Variants in NFRKB observed in about 807,000 individuals in gnomAD.
The protein encoded by NFRKB is nuclear factor related to kappa-B-binding protein.
A neutral mutation model predicts 135.7 loss-of-function variants in NFRKB; 62 were observed. That is an observed-to-expected ratio of 0.46 (90% CI 0.37 to 0.56). The LOEUF is 0.56. Among genes scored for constraint, NFRKB ranks in the 20% least tolerant of loss-of-function variants. NFRKB has a pLI of 0.00. For missense variants in NFRKB, 1,545 were observed against 1,662.0 expected (o/e 0.93, Z 1.22); for synonymous variants, 678 against 635.6 (o/e 1.07, Z -1.00).
chr11:129,867,813 A>G (rs1387191474), intron 24 of NFRKB, among the ~76,000 whole-genome samples: 2 of 152,174 alleles, frequency 1.3e-5, no homozygotes, highest in Non-Finnish European at 2.9e-5. Context: ...CTCCTTACCT[A>G]GAGGCTGAAG....
In NFRKB at chr11:129,884,827, C is replaced by T. The variant is rs1006275391; in HGVS notation, c.660G>A (p.Pro220=). 2.0e-5 allele frequency: 33 copies of T among 1,614,054 alleles called. No homozygotes were observed. Among genetic ancestry groups the T allele is most frequent in the African/African-American group, 2.7e-5 (2 of 74,936 alleles). The change falls in exon 7 of 27, where the codon CCG becomes CCA. Residue 220 remains proline, a synonymous_variant. Transcript: ENST00000682444. ...GACTAGGAGAACGTGCTGGAGAGCT[C>T]GGAAGCCATGAGCTGAGATCTTCAA... is the stretch of plus-strand genomic sequence containing the variant. ...SDEEDLSSWL[P]SSPARSPSPA...
intron 6 of NFRKB, among the ~76,000 whole-genome samples, chr11:129,885,100 A>G (rs1315427043): frequency 6.6e-6 from 1 of 152,172 alleles, no homozygotes; most frequent in African/African-American, 2.4e-5. Context: ...ACTCTCCTGT[A>G]AGGGGAAAAC....
intron 3 of NFRKB, among the ~76,000 whole-genome samples, chr11:129,890,168 C>T (rs1949490783): frequency 6.6e-6 from 1 of 151,892 alleles, no homozygotes; most frequent in Admixed American, 6.6e-5. Context: ...TCCCTAAGGA[C>T]AATGGAGACC....
chr11:129,881,559 C>G, intron 12 of NFRKB, 51 bp from the exon 13 acceptor site: 1 of 1,610,132 alleles, frequency 6.2e-7, no homozygotes. Flanking sequence ...TCCCTGAGCT[C>G]CGAAACAGCT....
chr11:129,864,874 G>C (rs773050670), intron 26 of NFRKB, 24 bp from the exon 27 acceptor site: 2 of 1,614,156 alleles, frequency 1.2e-6, no homozygotes, highest in South Asian at 1.1e-5. Flanking sequence ...CAGAAGGTCA[G>C]GTCAATGGAT....
In NFRKB at chr11:129,888,611, G is replaced by T; in HGVS notation, c.320C>A (p.Ala107Asp). ...CTACAAACCTCGGAAAAGCTTCTGG[G>T]CAATGTGCAGAGGGTTTCCAAAGCG... ...NFRFGNPLHI[A>D]QKLFRDGHFN... The change falls in exon 4 of 27, where the codon GCC becomes GAC. Residue 107 changes from alanine to aspartate, a missense_variant. By Grantham distance (126) the Ala-to-Asp change is moderately radical. Around this residue, in one of 3 missense-constraint regions of NFRKB, gnomAD observed 678 missense variants for 646.7 expected, o/e 1.05. Coordinates refer to ENST00000682444, the MANE Select transcript of NFRKB (RefSeq NM_001143835.2). 1 of 1,614,134 alleles carries T rather than the reference G, an allele frequency of 6.2e-7. No homozygotes were observed. The highest frequency in any genetic ancestry group is 8.5e-7 in the Non-Finnish European group (1 of 1,180,018).
chr11:129,882,127 A>G lies in NFRKB; in HGVS notation c.1150T>C (p.Leu384=). ...EISSSFFSLL[L]EILLLESQAS... The stretch of plus-strand genomic sequence containing the variant: ...TGACTCTCCAGCAGCAAGATCTCTA[A>G]TAGAAGAGAGAAGAAGCTGGAAGAT... The change falls in exon 11 of 27, where the codon TTA becomes CTA. Residue 384 remains leucine (L), a synonymous_variant. Transcript: ENST00000682444. 6.2e-7 allele frequency: 1 copy of G among 1,613,636 alleles called. No homozygotes were observed. The highest frequency in any genetic ancestry group is 8.5e-7 in the Non-Finnish European group (1 of 1,179,846).
At position 129,869,595 on chromosome 11, in the gene NFRKB, C is replaced by T. The variant is rs1480568501; in HGVS notation, c.3430G>A (p.Val1144Met). Reference protein sequence around the residue: ...MNAAVSKTVAVASGAASTPIS... With the variant: ...MNAAVSKTVAMASGAASTPIS... ...GGGGTGCTTGCAGCCCCAGAAGCCA[C>T]AGCTACAGTCTTGGACACAGCAGCA... Residue 1144 changes from valine to methionine, a missense_variant, in exon 24 of 27, where the codon GTG (valine) becomes ATG (methionine). This residue lies in a region of NFRKB where 753 missense variants were observed against 804.3 expected (regional missense o/e 0.94). Coordinates refer to ENST00000682444, the MANE Select transcript of NFRKB (RefSeq NM_001143835.2). 5.6e-6 allele frequency: 9 copies of T among 1,614,060 alleles called. No individual in the cohort carries two copies. The highest frequency in any genetic ancestry group is 1.7e-5 in the Admixed American group (1 of 60,006).
intron 7 of NFRKB, among the ~76,000 whole-genome samples, 169 bp downstream of exon 7, chr11:129,884,576 T>C (rs1339159015): frequency 6.6e-6 from 1 of 151,990 alleles, no homozygotes; most frequent in East Asian, 1.9e-4. Context: ...TCTCCAGATG[T>C]AAAAAAAAGT....
intron 24 of NFRKB, 84 bp from the exon 25 acceptor site, chr11:129,866,067 G>A: frequency 8.6e-7 from 1 of 1,168,384 alleles, no homozygotes; most frequent in Non-Finnish European, 1.2e-6. Flanking sequence ...CAGGAACTGA[G>A]AAGCAAGCAC....
In NFRKB at chr11:129,873,978, C is replaced by A; in HGVS notation, c.2317G>T (p.Gly773Ter). Residue 773 changes from glycine to a stop codon, truncating the protein, a stop_gained, in exon 22 of 27, where the codon GGA (glycine) becomes TGA (stop). Transcript: ENST00000682444. LOFTEE classifies it high-confidence loss of function. ...CTGGAAGCTGGGGAAAGCATTGTTC[C>A]CAGATGTGGCATTGTTGGTGAAGAC... is the stretch of plus-strand genomic sequence containing the variant. ...LVSSPTMPHLGTMLSPASSQT... is the reference protein window; with the variant it reads ...LVSSPTMPHL The A allele has an allele frequency of 6.2e-7, 1 of 1,612,836 alleles. No individual in the cohort carries two copies. The highest frequency in any genetic ancestry group is 8.5e-7 in the Non-Finnish European group (1 of 1,179,996).
intron 10 of NFRKB, 72 bp from the exon 11 acceptor site, chr11:129,882,266 G>T: frequency 7.1e-7 from 1 of 1,417,938 alleles, no homozygotes; most frequent in Non-Finnish European, 9.7e-7. Flanking sequence ...AGGCGCCCAA[G>T]CCTCCTAGCA....
intron 24 of NFRKB, among the ~76,000 whole-genome samples, chr11:129,867,773 T>C (rs1948275040): frequency 6.6e-6 from 1 of 152,218 alleles, no homozygotes; most frequent in Admixed American, 6.5e-5. Context: ...TATTTTATAC[T>C]GTCCATACAC....
At chr11:129,895,432 G>C (rs1040719143) in intron 1 of NFRKB, 64 bp downstream of exon 1, 1 of 152,588 alleles carries the variant, frequency 6.6e-6, no homozygotes, top group Non-Finnish European at 1.5e-5. Flanking sequence ...CCAGCCGCCC[G>C]CTCCCGCTCC....
intron 2 of NFRKB, chr11:129,893,080 C>T: frequency 7.1e-7 from 1 of 1,416,958 alleles, no homozygotes; most frequent in African/African-American, 1.4e-5. Context: ...GCTCTTTTCT[C>T]AGAATGCTCC....
rs932875136 is a variant in NFRKB, at chr11:129,895,531, C to T, written c.-137G>A. 1 of 152,356 alleles carries T rather than the reference C, an allele frequency of 6.6e-6. No individual in the cohort carries two copies. The highest frequency in any genetic ancestry group is 1.5e-5 in the Non-Finnish European group (1 of 68,172). The allele number at this position is 152,356 out of a possible 1,614,324, so 9.4% of individuals were successfully genotyped here. A position where few individuals can be genotyped will look rare whatever the true frequency, so the allele number is the denominator to read the frequency against. On this transcript the variant is annotated 5_prime_UTR_variant, in exon 1 of 27. Coordinates refer to ENST00000682444, the MANE Select transcript of NFRKB (RefSeq NM_001143835.2). ...GGCGCCGGCCCCCTAACCCGCAGCC[C>T]TTCTCCGGCCGCGGGCTCCCAGACG...
At chr11:129,885,387 G>A (rs373450497) in intron 6 of NFRKB, 48 bp downstream of exon 6, 61 of 1,554,332 alleles carry the variant, frequency 3.9e-5, no homozygotes, top group South Asian at 7.2e-5. Flanking sequence ...ACAAGTGGCC[G>A]GTATCCATCC....
chr11:129,892,355 CCAGTT>C (rs1949597640), intron 3 of NFRKB, among the ~76,000 whole-genome samples: 2 of 69,420 alleles, frequency 2.9e-5, no homozygotes, highest in Admixed American at 3.4e-4. Context: ...CCAATTCCAT[CCAGTT>C]TGCTGCAAAT....
intron 10 of NFRKB, 114 bp from the exon 11 acceptor site, chr11:129,882,308 A>G: frequency 7.5e-7 from 1 of 1,341,600 alleles, no homozygotes; most frequent in Non-Finnish European, 1.0e-6. Context: ...GGAGCAAACA[A>G]TATATTTTCC....
Sources: allele counts gnomAD v4.1 joint callset (sites outside exome capture counted in the v4.1 genomes callset), GRCh38; gene constraint gnomAD v4.1.1; regional missense constraint gnomAD v4.1.1; transcripts MANE v1.5; gene names NCBI Gene and HGNC (gene_info 2026-07-23, HGNC 2026-07-21).